Variants in SCNN1D observed in about 807,000 individuals in gnomAD.
SCNN1D encodes epithelial sodium channel subunit delta.
A neutral mutation model predicts 87.8 loss-of-function variants in SCNN1D; 104 were observed. The observed-to-expected ratio is 1.18, with a 90% CI of 1.01 to 1.39. SCNN1D has a LOEUF of 1.39. Ranked by LOEUF, SCNN1D falls within the 40% of genes most tolerant of loss-of-function variation. The probability of loss-of-function intolerance (pLI) is 0.00; values close to 1 mark genes in which losing one functional copy is unlikely to be tolerated. For synonymous variants in SCNN1D, 628 were observed against 481.2 expected (o/e 1.31, Z -3.99); for missense variants, 1,324 against 1,093.9 (o/e 1.21, Z -2.97).
At chr1:1,283,690 C>G (rs1640514365) in intron 4 of SCNN1D, among the ~76,000 whole-genome samples, 1 of 151,968 alleles carries the variant, frequency 6.6e-6, no homozygotes, top group Non-Finnish European at 1.5e-5. Context: ...AAGAGTGAGA[C>G]TCCATCTCAA....
chr1:1,286,883 C>G lies in SCNN1D; in HGVS notation c.1027C>G (p.Pro343Ala). The change falls in exon 8 of 18, where the codon CCC becomes GCC. Residue 343 changes from proline to alanine, a missense_variant. By Grantham distance (27) the Pro-to-Ala change is conservative. Transcript: ENST00000379116. ...KGRAALSATVPRHEPPFHLDR... is the reference protein window; with the variant it reads ...KGRAALSATVARHEPPFHLDR... ...CAGAGCCGCCCTCTCCGCCACTGTC[C>G]CCCGCCACGAGCCCCCCTTCCACCT... 3 of 1,612,500 alleles carry G rather than the reference C, an allele frequency of 1.9e-6. No homozygotes were observed.
intron 5 of SCNN1D, among the ~76,000 whole-genome samples, chr1:1,284,335 T>A: frequency 1.5e-5 from 1 of 64,918 alleles, no homozygotes; most frequent in East Asian, 5.3e-4. Context: ...GGGGTGGGGC[T>A]GGCGGGGGGG....
rs146703116 is a variant in SCNN1D at position 1,287,149 on chromosome 1, C to T, written c.1160C>T (p.Thr387Met). The T allele has an allele frequency of 1.5e-4, 238 of 1,607,522 alleles. No individual in the cohort carries two copies. In the African/African-American group the frequency reaches 1.6e-3, roughly 11 times the overall value. The change falls in exon 9 of 18, where the codon ACG (threonine) becomes ATG (methionine). Residue 387 changes from threonine (T) to methionine (M), a missense_variant. Thr to Met is a moderately conservative substitution (Grantham distance 81). Transcript: ENST00000379116. The part of the protein sequence containing the change: ...TGGDCFYRGY[T>M]SGVAAVQDWY... ...GGCGACTGCTTTTACCGAGGCTACACGTCAGGCGTGGCGGCTGTCCAGGAC... is the reference window on the plus strand; with the variant it reads ...GGCGACTGCTTTTACCGAGGCTACATGTCAGGCGTGGCGGCTGTCCAGGAC...
rs560864382 is a variant in SCNN1D, at chr1:1,288,217, C to T, written c.1662+180C>T. 1.1e-3 allele frequency among the ~76,000 whole-genome samples: 161 copies of T among 143,418 alleles called. 1 individual carries two copies. The highest frequency in any genetic ancestry group is 2.9e-3 in the African/African-American group (114 of 38,842). 94.1% of individuals were successfully genotyped at this position (143,418 alleles called of 152,430 possible). A position where few individuals can be genotyped will look rare whatever the true frequency, so the allele number is the denominator to read the frequency against. ...CGCTCCATTCCCTGTGTCTCTGCTCCGTCCCGTGTCTCTGCTCCGTCCCGT... is the reference window on the plus strand; with the variant it reads ...CGCTCCATTCCCTGTGTCTCTGCTCTGTCCCGTGTCTCTGCTCCGTCCCGT... On this transcript the variant is annotated intron_variant, in intron 12 of 17. Coordinates refer to ENST00000379116, the MANE Select transcript of SCNN1D (RefSeq NM_001130413.4).
intron 1 of SCNN1D, 89 bp downstream of exon 1, chr1:1,280,755 A>C: frequency 2.9e-6 from 2 of 689,426 alleles, no homozygotes; most frequent in Non-Finnish European, 5.3e-6. Context: ...GTCCATCCAG[A>C]CAGTTCAGGG....
chr1:1,291,140 G>T lies in SCNN1D; in HGVS notation c.2052G>T (p.Ser684=). ...YRSVEEAPVY[S]VPQLLSAMGS... Reference sequence around the variant, plus strand: ...CAGTGGAGGAGGCGCCCGTGTACTCGGTGAGCCTTGGCCCCCTGCCTGGGC... The same window carrying T: ...CAGTGGAGGAGGCGCCCGTGTACTCTGTGAGCCTTGGCCCCCTGCCTGGGC... The change falls in exon 17 of 18, where the codon TCG becomes TCT. Residue 684 remains serine (S), a splice_region_variant and synonymous_variant. Coordinates refer to ENST00000379116, the MANE Select transcript of SCNN1D (RefSeq NM_001130413.4). 1.2e-6 allele frequency: 2 copies of T among 1,611,262 alleles called. No individual in the cohort carries two copies. The highest frequency in any genetic ancestry group is 2.2e-5 in the East Asian group (1 of 44,836).
In SCNN1D at chr1:1,287,863, C is replaced by T. The variant is rs528134982; in HGVS notation, c.1563+27C>T. 460 of 1,517,690 alleles carry T rather than the reference C, an allele frequency of 3.0e-4. 3 individuals are homozygous for T. The highest frequency in any genetic ancestry group is 2.2e-3 in the Middle Eastern group (13 of 5,840). 94.0% of individuals were successfully genotyped at this position (1,517,690 alleles called of 1,614,324 possible). ...TGAGCTGGCCTCTGCAGCCAACCTCCGGCCCAGGCCTCCTGCCCAACCTGG... is the reference window on the plus strand; with the variant it reads ...TGAGCTGGCCTCTGCAGCCAACCTCTGGCCCAGGCCTCCTGCCCAACCTGG... On this transcript the variant is annotated intron_variant, in intron 11 of 17. Coordinates refer to ENST00000379116, the MANE Select transcript of SCNN1D (RefSeq NM_001130413.4).
chr1:1,288,094 TGTGG>T, intron 12 of SCNN1D, 57 bp downstream of exon 12: 2 of 401,644 alleles, frequency 5.0e-6, no homozygotes, highest in Admixed American at 4.3e-5. Context: ...GGCCAGGGGG[TGTGG>T]GCGGGTGGAA....
chr1:1,290,291 C>T lies in SCNN1D; in HGVS notation c.1683C>T (p.Phe561=), dbSNP rs924291622. The T allele has an allele frequency of 2.5e-6, 4 of 1,574,446 alleles. No individual in the cohort carries two copies. The highest frequency in any genetic ancestry group is 3.5e-6 in the Non-Finnish European group (4 of 1,158,456). Residue 561 remains phenylalanine (F), a synonymous_variant, in exon 13 of 18, where the codon TTC becomes TTT. Coordinates refer to ENST00000379116, the MANE Select transcript of SCNN1D (RefSeq NM_001130413.4). ...YTRQACLVSC[F]QQLMVETCSC... ...CCCAGGCCTGCCTGGTGTCCTGCTT[C>T]CAGCAGCTGATGGTGGAGACCTGCT... is the stretch of plus-strand genomic sequence containing the variant.
Position 1,291,498 on chromosome 1 carries a change from C to T in SCNN1D, c.2297C>T (p.Pro766Leu), listed in dbSNP as rs201290347. 2.7e-4 allele frequency: 438 copies of T among 1,608,838 alleles called. No homozygotes were observed. The highest frequency in any genetic ancestry group is 3.4e-4 in the Non-Finnish European group (396 of 1,177,674). The change falls in exon 18 of 18, where the codon CCG (proline) becomes CTG (leucine). Residue 766 changes from proline (P) to leucine (L), a missense_variant. Physicochemically the swap from Pro to Leu is moderately conservative, Grantham distance 98 (BLOSUM62 -3). Transcript: ENST00000379116. ...CCTGCAGGCGGCACGTCAGATGACCCGGAGCCCAGCGGGCCTCATCTCCCA... is the reference window on the plus strand; with the variant it reads ...CCTGCAGGCGGCACGTCAGATGACCTGGAGCCCAGCGGGCCTCATCTCCCA... ...PPPAGGTSDD[P>L]EPSGPHLPRV...
intron 12 of SCNN1D, among the ~76,000 whole-genome samples, chr1:1,289,889 G>A (rs1483381099): frequency 7.9e-5 from 3 of 37,740 alleles, no homozygotes; most frequent in Admixed American, 3.5e-4. Context: ...TCTCTGCTCC[G>A]TCCCGTGTCT....
chr1:1,284,557 C>G (rs551053816), intron 5 of SCNN1D, among the ~76,000 whole-genome samples: 30 of 138,356 alleles, frequency 2.2e-4, no homozygotes, highest in East Asian at 4.2e-4. Context: ...GGGGGGTGCA[C>G]AGCGTGTGCT....
chr1:1,283,574 C>T (rs772337481), intron 4 of SCNN1D, among the ~76,000 whole-genome samples: 9 of 152,196 alleles, frequency 5.9e-5, no homozygotes, highest in Non-Finnish European at 1.0e-4. Flanking sequence ...GGCAGGTGCC[C>T]GTAATCCCAG....
At chr1:1,281,133 G>C in intron 1 of SCNN1D, 93 bp from the exon 2 acceptor site, 1 of 1,206,464 alleles carries the variant, frequency 8.3e-7, no homozygotes, top group Non-Finnish European at 1.2e-6. Flanking sequence ...GTGACCCTGA[G>C]TGGGGGACGC....
rs1640467979 is a variant in SCNN1D, at chr1:1,281,405, A to G, written c.78-6A>G. On this transcript the variant is annotated splice_region_variant and splice_polypyrimidine_tract_variant and intron_variant, in intron 2 of 17. Transcript: ENST00000379116. ...GGGATGCCTGCCCGTCCCTTCTCTC[A>G]TTCAGGCTCACCTGGTCATGGTGCA... 6.6e-7 allele frequency: 1 copy of G among 1,523,692 alleles called. No homozygotes were observed. Among genetic ancestry groups the G allele is most frequent in the Non-Finnish European group, 8.8e-7 (1 of 1,138,886 alleles). 94.4% of individuals were successfully genotyped at this position (1,523,692 alleles called of 1,614,324 possible). A position where few individuals can be genotyped will look rare whatever the true frequency, so the allele number is the denominator to read the frequency against.
Position 1,287,160 on chromosome 1 carries a change from G to A in SCNN1D, c.1171G>A (p.Ala391Thr), listed in dbSNP as rs755849554. The A allele has an allele frequency of 3.7e-6, 6 of 1,608,786 alleles. No individual in the cohort carries two copies. Among genetic ancestry groups the A allele is most frequent in the Non-Finnish European group, 3.4e-6 (4 of 1,176,926 alleles). Residue 391 changes from alanine to threonine, a missense_variant, in exon 9 of 18, where the codon GCG (alanine) becomes ACG (threonine). Ala to Thr is a moderately conservative substitution (Grantham distance 58, BLOSUM62 0). Coordinates refer to ENST00000379116, the MANE Select transcript of SCNN1D (RefSeq NM_001130413.4). ...CFYRGYTSGVAAVQDWYHFHY... is the reference protein window; with the variant it reads ...CFYRGYTSGVTAVQDWYHFHY... ...TTACCGAGGCTACACGTCAGGCGTG[G>A]CGGCTGTCCAGGACTGGTACCACTT...
chr1:1,283,209 A>T (rs1181786060), intron 4 of SCNN1D, among the ~76,000 whole-genome samples: 1 of 152,046 alleles, frequency 6.6e-6, no homozygotes, highest in East Asian at 1.9e-4. Flanking sequence ...TACTCGGGGG[A>T]GCAGGTGCCT....
In SCNN1D at chr1:1,291,502, G is replaced by A; in HGVS notation, c.2301G>A (p.Glu767=). 6.2e-7 allele frequency: 1 copy of A among 1,608,956 alleles called. No individual in the cohort carries two copies. Among genetic ancestry groups the A allele is most frequent in the Non-Finnish European group, 8.5e-7 (1 of 1,177,562 alleles). The change falls in exon 18 of 18, where the codon GAG becomes GAA. Residue 767 remains glutamate (E), a synonymous_variant. Transcript: ENST00000379116. ...CAGGCGGCACGTCAGATGACCCGGA[G>A]CCCAGCGGGCCTCATCTCCCACGGG... is the stretch of plus-strand genomic sequence containing the variant. ...PPAGGTSDDP[E]PSGPHLPRVM... is the part of the protein sequence containing the mutation.
Position 1,281,588 on chromosome 1 carries a change from C to T in SCNN1D, c.255C>T (p.Gly85=). The T allele has an allele frequency of 6.5e-7, 1 of 1,535,676 alleles. No individual in the cohort carries two copies. Among genetic ancestry groups the T allele is most frequent in the South Asian group, 1.2e-5 (1 of 84,056 alleles). The change falls in exon 3 of 18, where the codon GGC becomes GGT. Residue 85 remains glycine (G), a synonymous_variant. Coordinates refer to ENST00000379116, the MANE Select transcript of SCNN1D (RefSeq NM_001130413.4). The part of the protein sequence containing the change: ...LCGYPLCLLS[G]PIQGCGTGLG... ...GCTACCCCCTCTGCCTACTCTCTGG[C>T]CCGATACAGGGGTGTGGGACAGGTG...
Sources: gnomAD v4.1 joint callset for allele counts (sites outside exome capture counted in the v4.1 genomes callset) on GRCh38, gnomAD v4.1.1 for gene constraint, MANE v1.5 for transcripts, NCBI Gene and HGNC (gene_info 2026-07-23, HGNC 2026-07-21) for gene names.